The following CSMD1 variants were observed in gnomAD, a reference collection of about 807,000 sequenced individuals.
The protein encoded by CSMD1 is CUB and sushi domain-containing protein 1.
CSMD1 carries 213 observed loss-of-function variants against 417.5 expected under a neutral mutation model. That is an observed-to-expected ratio of 0.51 (90% CI 0.46 to 0.57). CSMD1 has a LOEUF of 0.57. CSMD1 is among the 20% of genes least tolerant of loss of function. The pLI is 0.00. For synonymous variants in CSMD1, 2,862 were observed against 1,736.8 expected (o/e 1.65, Z -16.11); for missense variants, 6,923 against 4,529.7 (o/e 1.53, Z -15.17).
At chr8:4,961,346 C>A (rs1809469457) in intron 1 of CSMD1, among the ~76,000 whole-genome samples, 1 of 152,106 alleles carries the variant, frequency 6.6e-6, no homozygotes, top group African/African-American at 2.4e-5. Context: ...TTCAAACATT[C>A]TTTCAACCTG....
intron 7 of CSMD1, among the ~76,000 whole-genome samples, chr8:3,634,747 G>A (rs556204068): frequency 7.9e-5 from 12 of 152,132 alleles, no homozygotes; most frequent in East Asian, 1.9e-4. Flanking sequence ...CATGATTAAG[G>A]CACACAGTTT....
chr8:4,462,489 G>C (rs981134121), intron 2 of CSMD1, among the ~76,000 whole-genome samples: 2 of 151,998 alleles, frequency 1.3e-5, no homozygotes, highest in African/African-American at 4.8e-5. Context: ...ACATTAACAA[G>C]CTGATCCTAA....
At chr8:4,118,616 C>G (rs1313423686) in intron 3 of CSMD1, among the ~76,000 whole-genome samples, 4 of 152,114 alleles carry the variant, frequency 2.6e-5, no homozygotes, top group Non-Finnish European at 5.9e-5. Context: ...GCTGTGGAGA[C>G]TTAGGAACAC....
intron 5 of CSMD1, among the ~76,000 whole-genome samples, chr8:3,821,898 CT>C: frequency 6.6e-6 from 1 of 152,308 alleles, no homozygotes; most frequent in South Asian, 2.1e-4. Flanking sequence ...ATGAACTGTG[CT>C]TCCAGAAGCT....
At chr8:3,698,741 T>C (rs1055616686) in intron 7 of CSMD1, among the ~76,000 whole-genome samples, 4 of 152,346 alleles carry the variant, frequency 2.6e-5, no homozygotes, top group African/African-American at 9.6e-5. Flanking sequence ...AAGAGGATCA[T>C]GTTCATTACT....
At chr8:4,567,702 C>G (rs1189567328) in intron 2 of CSMD1, among the ~76,000 whole-genome samples, 1 of 152,106 alleles carries the variant, frequency 6.6e-6, no homozygotes, top group South Asian at 2.1e-4. Context: ...TACATTATAG[C>G]TGGGCCAATT....
At chr8:3,273,128 G>C (rs1400793206) in intron 26 of CSMD1, among the ~76,000 whole-genome samples, 4 of 151,778 alleles carry the variant, frequency 2.6e-5, no homozygotes, top group Non-Finnish European at 4.4e-5. Flanking sequence ...TTTATTGAGA[G>C]TTTTTAGTAT....
At chr8:3,188,154 A>G (rs1012044851) in intron 35 of CSMD1, among the ~76,000 whole-genome samples, 189 bp from the exon 36 acceptor site, 2 of 147,544 alleles carry the variant, frequency 1.4e-5, no homozygotes, top group Non-Finnish European at 3.0e-5. Flanking sequence ...TATACACCTT[A>G]ATAATGCCTC....
chr8:3,869,635 C>G (rs568276446), intron 5 of CSMD1, among the ~76,000 whole-genome samples: 99 of 152,230 alleles, frequency 6.5e-4, no homozygotes, highest in Non-Finnish European at 1.1e-3. Context: ...CTGAGCTAAC[C>G]TGGGGAAAGT....
chr8:4,455,806 C>T (rs543438614), intron 2 of CSMD1, among the ~76,000 whole-genome samples: 1 of 150,936 alleles, frequency 6.6e-6, no homozygotes, highest in African/African-American at 2.4e-5. Flanking sequence ...TGGCATGTGC[C>T]TGGAATCCCA....
chr8:3,912,168 C>T (rs2954625), intron 5 of CSMD1, among the ~76,000 whole-genome samples: 38,841 of 152,060 alleles, frequency 0.26, 5,682 homozygotes, highest in African/African-American at 0.4. Context: ...CTTCACATTT[C>T]TCATGAATTT....
intron 57 of CSMD1, among the ~76,000 whole-genome samples, chr8:2,968,264 C>T (rs1308174559): frequency 6.6e-6 from 1 of 152,184 alleles, no homozygotes; most frequent in Non-Finnish European, 1.5e-5. Context: ...TAATGGAAAG[C>T]CTGTCACAGA....
chr8:3,146,302 G>A (rs1488692525), intron 40 of CSMD1, among the ~76,000 whole-genome samples: 1 of 151,914 alleles, frequency 6.6e-6, no homozygotes, highest in Non-Finnish European at 1.5e-5. Context: ...CTCTGCCAGA[G>A]CATCACAAAA....
intron 5 of CSMD1, among the ~76,000 whole-genome samples, 153 bp from the exon 6 acceptor site, chr8:3,754,195 G>T (rs1415459245): frequency 6.6e-6 from 1 of 152,064 alleles, no homozygotes; most frequent in African/African-American, 2.4e-5. Flanking sequence ...ACCTTAAAAC[G>T]ATCAAGATGA....
At chr8:4,531,961 C>CAA in intron 2 of CSMD1, among the ~76,000 whole-genome samples, 1 of 87,410 alleles carries the variant, frequency 1.1e-5, no homozygotes, top group African/African-American at 2.9e-5. Flanking sequence ...AGAAATCCTG[C>CAA]ACCTCCATTC....
intron 12 of CSMD1, among the ~76,000 whole-genome samples, chr8:3,427,441 A>T (rs1025520819): frequency 6.6e-6 from 1 of 152,158 alleles, no homozygotes; most frequent in Non-Finnish European, 1.5e-5. Flanking sequence ...ATGATTCCAC[A>T]ATTCCTATAT....
At chr8:4,588,555 G>A (rs534283503) in intron 2 of CSMD1, among the ~76,000 whole-genome samples, 12 of 151,948 alleles carry the variant, frequency 7.9e-5, no homozygotes, top group African/African-American at 2.9e-4. Flanking sequence ...AGCCCTTTCG[G>A]AGGCCGAGTC....
chr8:3,308,843 C>T (rs1027791810), intron 23 of CSMD1, among the ~76,000 whole-genome samples: 1 of 150,908 alleles, frequency 6.6e-6, no homozygotes, highest in Admixed American at 6.6e-5. Context: ...CCTGCCTCAG[C>T]CTCCCAGGTA....
chr8:4,003,326 G>T (rs931976584), intron 4 of CSMD1, among the ~76,000 whole-genome samples: 7 of 152,148 alleles, frequency 4.6e-5, no homozygotes, highest in Admixed American at 3.9e-4. Flanking sequence ...CTGGGAGGTG[G>T]AGCTTGCAGT....
Sources: allele counts gnomAD v4.1 joint callset (sites outside exome capture counted in the v4.1 genomes callset), GRCh38; gene constraint gnomAD v4.1.1; transcripts MANE v1.5; gene names NCBI Gene and HGNC (gene_info 2026-07-23, HGNC 2026-07-21).